Variants in ZFAND3 observed in about 807,000 individuals in gnomAD.
ZFAND3 encodes the protein zinc finger AN1-type containing 3, also known as AN1-type zinc finger protein 3.
A neutral mutation model predicts 29.6 loss-of-function variants in ZFAND3; 10 were observed. That is an observed-to-expected ratio of 0.34 (90% CI 0.21 to 0.57). The LOEUF (loss-of-function observed/expected upper bound fraction) is 0.57. Ranked by LOEUF, ZFAND3 falls within the 20% of genes least tolerant of loss-of-function variation. ZFAND3 has a pLI of 0.86. For synonymous variants in ZFAND3, 128 were observed against 112.6 expected (o/e 1.14, Z -0.87); for missense variants, 230 against 304.5 (o/e 0.76, Z 1.82).
chr6:37,841,694 A>G (rs259716), intron 1 of ZFAND3, among the ~76,000 whole-genome samples: 48,708 of 152,016 alleles, frequency 0.32, 8,239 homozygotes, highest in Non-Finnish European at 0.38. Context: ...TGTGTTAGCC[A>G]GGATGGTCTC....
At chr6:37,889,228 C>T (rs560275432) in intron 1 of ZFAND3, among the ~76,000 whole-genome samples, 5 of 152,258 alleles carry the variant, frequency 3.3e-5, no homozygotes, top group East Asian at 1.9e-4. Context: ...AGCTTTCCTT[C>T]GTCTCTATTT....
At chr6:38,137,020 A>G (rs1765854646) in intron 5 of ZFAND3, among the ~76,000 whole-genome samples, 1 of 152,248 alleles carries the variant, frequency 6.6e-6, no homozygotes, top group Non-Finnish European at 1.5e-5. Flanking sequence ...CCAAAATACC[A>G]GGGTGGAATA....
chr6:38,121,595 T>A (rs1765535102), intron 5 of ZFAND3, among the ~76,000 whole-genome samples: 1 of 152,160 alleles, frequency 6.6e-6, no homozygotes, highest in South Asian at 2.1e-4. Context: ...CCCTCACCTA[T>A]TTTTTAGTAG....
intron 1 of ZFAND3, among the ~76,000 whole-genome samples, chr6:37,869,237 T>G (rs1219869938): frequency 2.0e-5 from 3 of 152,142 alleles, no homozygotes; most frequent in Admixed American, 1.3e-4. Flanking sequence ...CTTGGCTCAC[T>G]GCTGCAACCT....
intron 1 of ZFAND3, among the ~76,000 whole-genome samples, chr6:37,822,094 C>T (rs1446623608): frequency 6.6e-6 from 1 of 152,202 alleles, no homozygotes; most frequent in Non-Finnish European, 1.5e-5. Flanking sequence ...CTTGGACTCC[C>T]AAAGTGCTGG....
chr6:37,919,261 T>TA (rs948405538), intron 1 of ZFAND3, among the ~76,000 whole-genome samples: 15 of 152,316 alleles, frequency 9.8e-5, no homozygotes, highest in Admixed American at 8.5e-4. Flanking sequence ...AGATCTTATA[T>TA]ATATGTTCAC....
intron 2 of ZFAND3, among the ~76,000 whole-genome samples, chr6:37,981,609 ATATATATGTG>A (rs1762580580): frequency 6.6e-6 from 1 of 152,102 alleles, no homozygotes; most frequent in Admixed American, 6.6e-5. Context: ...TAATATGTAA[ATATATATGTG>A]TATGTTTTTG....
At chr6:37,839,616 G>T (rs1046181051) in intron 1 of ZFAND3, among the ~76,000 whole-genome samples, 7 of 151,704 alleles carry the variant, frequency 4.6e-5, no homozygotes, top group African/African-American at 1.5e-4. Context: ...CCGGGTTCAA[G>T]TGATTCTCCT....
chr6:38,050,114 C>G (rs1422935031), intron 2 of ZFAND3, among the ~76,000 whole-genome samples: 1 of 151,570 alleles, frequency 6.6e-6, no homozygotes, highest in Non-Finnish European at 1.5e-5. Flanking sequence ...GTCACCACGC[C>G]TGGCTGATTT....
At chr6:37,855,373 A>G (rs1329599043) in intron 1 of ZFAND3, among the ~76,000 whole-genome samples, 2 of 151,168 alleles carry the variant, frequency 1.3e-5, no homozygotes, top group African/African-American at 4.9e-5. Context: ...GCTAGTCTCG[A>G]ACTCCTGACC....
intron 1 of ZFAND3, among the ~76,000 whole-genome samples, chr6:37,900,237 C>A (rs1040911442): frequency 2.6e-5 from 4 of 152,210 alleles, no homozygotes; most frequent in Admixed American, 2.6e-4. Context: ...GAATTTCTTC[C>A]CATATTATCT....
intron 1 of ZFAND3, among the ~76,000 whole-genome samples, chr6:37,843,789 C>T (rs1235618079): frequency 1.3e-5 from 2 of 150,762 alleles, no homozygotes; most frequent in Non-Finnish European, 1.5e-5. Flanking sequence ...TTAACATTTC[C>T]AACACTGATA....
intron 2 of ZFAND3, among the ~76,000 whole-genome samples, chr6:38,026,364 G>C (rs1280307476): frequency 6.7e-6 from 1 of 148,328 alleles, no homozygotes; most frequent in Admixed American, 6.8e-5. Context: ...ACTTAGCCTT[G>C]ACATTCTACA....
chr6:37,846,264 A>G (rs1764175454), intron 1 of ZFAND3, among the ~76,000 whole-genome samples: 1 of 152,202 alleles, frequency 6.6e-6, no homozygotes, highest in African/African-American at 2.4e-5. Context: ...GGTGCACAAT[A>G]TTCCACTAAG....
intron 1 of ZFAND3, among the ~76,000 whole-genome samples, chr6:37,857,636 T>C (rs1252143069): frequency 6.6e-6 from 1 of 152,228 alleles, no homozygotes; most frequent in African/African-American, 2.4e-5. Flanking sequence ...TCAGCAGTTG[T>C]AGAAGTCTTG....
chr6:38,076,443 T>A (rs1352944864), intron 3 of ZFAND3, among the ~76,000 whole-genome samples: 1 of 151,950 alleles, frequency 6.6e-6, no homozygotes, highest in Non-Finnish European at 1.5e-5. Context: ...TAAGGTGGAG[T>A]GGTAATACGA....
At chr6:37,967,054 A>C (rs1018038524) in intron 2 of ZFAND3, among the ~76,000 whole-genome samples, 2 of 152,198 alleles carry the variant, frequency 1.3e-5, no homozygotes, top group African/African-American at 4.8e-5. Flanking sequence ...CTGATGACTA[A>C]TGATGACCTC....
intron 2 of ZFAND3, among the ~76,000 whole-genome samples, chr6:38,036,892 G>A (rs1257332850): frequency 6.6e-6 from 1 of 152,134 alleles, no homozygotes; most frequent in African/African-American, 2.4e-5. Context: ...GGTATTACAG[G>A]CATGAGCCAC....
At chr6:37,987,751 GA>G (rs987120677) in intron 2 of ZFAND3, among the ~76,000 whole-genome samples, 2 of 152,220 alleles carry the variant, frequency 1.3e-5, no homozygotes, top group African/African-American at 4.8e-5. Flanking sequence ...GCAGGAGCCA[GA>G]TACTCAGGTT....
Sources: gnomAD v4.1 joint callset for allele counts (sites outside exome capture counted in the v4.1 genomes callset) on GRCh38, gnomAD v4.1.1 for gene constraint, MANE v1.5 for transcripts, NCBI Gene and HGNC (gene_info 2026-07-23, HGNC 2026-07-21) for gene names.